BIVM: variants seen among roughly 807,000 people sequenced by gnomAD.
BIVM encodes basic immunoglobulin-like variable motif-containing protein.
Under a neutral mutation model 61.4 loss-of-function variants are expected in BIVM, and 31 were observed. The observed-to-expected ratio is 0.51, with a 90% CI of 0.38 to 0.68. BIVM has a LOEUF of 0.68. Among genes scored for constraint, BIVM ranks in the 30% least tolerant of loss-of-function variants. The pLI is 0.00. For missense variants in BIVM, 526 were observed against 596.0 expected (o/e 0.88, Z 1.22); for synonymous variants, 189 against 210.7 (o/e 0.90, Z 0.89).
intron 3 of BIVM, among the ~76,000 whole-genome samples, chr13:102,812,905 A>G (rs952562321): frequency 7.9e-5 from 12 of 152,180 alleles, no homozygotes; most frequent in African/African-American, 2.2e-4. Flanking sequence ...CAGATTTCCA[A>G]TTTTCATAGG....
intron 3 of BIVM, among the ~76,000 whole-genome samples, chr13:102,812,475 G>T (rs542661658): frequency 3.4e-4 from 51 of 152,122 alleles, no homozygotes; most frequent in African/African-American, 1.2e-3. Flanking sequence ...ATTTAATAAT[G>T]CAGTAACTCT....
intron 3 of BIVM, among the ~76,000 whole-genome samples, chr13:102,812,953 G>A (rs984128985): frequency 3.3e-5 from 5 of 152,188 alleles, no homozygotes; most frequent in African/African-American, 1.2e-4. Context: ...CCCACAAACT[G>A]CCTGAAGCTT....
chr13:102,821,543 A>T (rs549380888), intron 5 of BIVM, among the ~76,000 whole-genome samples, 200 bp from the exon 6 acceptor site: 5 of 152,194 alleles, frequency 3.3e-5, no homozygotes, highest in African/African-American at 7.2e-5. Flanking sequence ...TTAAGGCTGC[A>T]GTGAGCTATG....
At chr13:102,806,344 G>A (rs1879080501) in intron 2 of BIVM, among the ~76,000 whole-genome samples, 1 of 152,110 alleles carries the variant, frequency 6.6e-6, no homozygotes, top group Non-Finnish European at 1.5e-5. Context: ...CTACCTCCCA[G>A]GTTCAAGTGA....
At chr13:102,804,459 C>T (rs182663204) in intron 1 of BIVM, among the ~76,000 whole-genome samples, 7 of 152,142 alleles carry the variant, frequency 4.6e-5, no homozygotes, top group South Asian at 2.1e-4. Context: ...TACAGGTGCG[C>T]GCCATCATGC....
Position 102,807,060 on chromosome 13 carries a change from A to T in BIVM, c.-122-86A>T. ...TGTAAAATTAATATAGAATGAAGGC[A>T]TATGTATGCATAAAACTTGCTATGC... is the stretch of plus-strand genomic sequence containing the variant. On this transcript the variant is annotated intron_variant, in intron 2 of 10. Transcript: ENST00000257336. The surrounding 1 kb of genome is among the most constrained non-coding windows in gnomAD (Gnocchi z 4.0). 2.0e-6 allele frequency: 1 copy of T among 507,050 alleles called. No homozygotes were observed. The highest frequency in any genetic ancestry group is 3.5e-6 in the Non-Finnish European group (1 of 289,838). 31.4% of individuals were successfully genotyped at this position (507,050 alleles called of 1,614,324 possible).
At chr13:102,825,150 T>C (rs1367342627) in intron 7 of BIVM, among the ~76,000 whole-genome samples, 1 of 152,174 alleles carries the variant, frequency 6.6e-6, no homozygotes, top group African/African-American at 2.4e-5. Context: ...TTTCACCATG[T>C]TAGCCAGGAT....
At chr13:102,803,158 T>TA (rs35545376) in intron 1 of BIVM, among the ~76,000 whole-genome samples, 11,785 of 126,302 alleles carry the variant, frequency 0.093, 625 homozygotes, top group Non-Finnish European at 0.13. Flanking sequence ...CCCTGTTTCT[T>TA]AAAAAAAAAA....
At position 102,799,214 on chromosome 13, in the gene BIVM, C is replaced by G. The variant is rs1878579911; in HGVS notation, c.-514C>G. 5.7e-6 allele frequency: 2 copies of G among 349,456 alleles called. No homozygotes were observed. The highest frequency in any genetic ancestry group is 1.0e-5 in the Non-Finnish European group (2 of 195,638). The allele number at this position is 349,456 out of a possible 1,614,324, so 21.6% of individuals were successfully genotyped here. A position where few individuals can be genotyped will look rare whatever the true frequency, so the allele number is the denominator to read the frequency against. ...TCACCGCTTTCGGGGGACAGATAAA[C>G]ACCACAGATGCCCATCAAAGGGGCG... On this transcript the variant is annotated 5_prime_UTR_variant, in exon 1 of 11. Coordinates refer to ENST00000257336, the MANE Select transcript of BIVM (RefSeq NM_017693.4).
At chr13:102,825,422 T>C (rs1411744113) in intron 7 of BIVM, among the ~76,000 whole-genome samples, 1 of 152,160 alleles carries the variant, frequency 6.6e-6, no homozygotes, top group African/African-American at 2.4e-5. Flanking sequence ...TTTTTAACAA[T>C]GTAAAAACCA....
intron 3 of BIVM, among the ~76,000 whole-genome samples, chr13:102,809,696 C>A (rs7321030): frequency 6.6e-6 from 1 of 152,016 alleles, no homozygotes; most frequent in Non-Finnish European, 1.5e-5. Flanking sequence ...ACCATTTTTA[C>A]GTGTACAGTT....
At position 102,812,260 on chromosome 13, in the gene BIVM, GTTC is replaced by G. The variant is rs561787670; in HGVS notation, c.479-4164_479-4162del. Among the ~76,000 whole-genome samples the G allele has an allele frequency of 5.3e-5, 8 of 152,224 alleles. No individual in the cohort carries two copies. In the East Asian group the frequency reaches 1.5e-3, roughly 29 times the overall value. The stretch of plus-strand genomic sequence containing the variant: ...TCTATCTCTTCATTGATATTTCCAT[GTTC>G]TTCATACATACATCTTTCGTTAGTT... On this transcript the variant is annotated intron_variant, in intron 3 of 10. Transcript: ENST00000257336.
intron 4 of BIVM, chr13:102,816,947 TTA>T (rs1206275791): frequency 1.3e-5 from 2 of 152,520 alleles, no homozygotes; most frequent in African/African-American, 2.4e-5. Flanking sequence ...TTTTTTCTAC[TTA>T]ACCACAATAC....
At chr13:102,801,064 T>A (rs1878727691) in intron 1 of BIVM, among the ~76,000 whole-genome samples, 2 of 152,220 alleles carry the variant, frequency 1.3e-5, no homozygotes, top group African/African-American at 2.4e-5. Context: ...GGACGTTTAT[T>A]TTACAGAACA....
intron 7 of BIVM, among the ~76,000 whole-genome samples, chr13:102,828,599 A>G (rs1880839383): frequency 6.6e-6 from 1 of 152,218 alleles, no homozygotes; most frequent in Admixed American, 6.5e-5. Context: ...AAATCTCTTG[A>G]ACATGCAGTG....
chr13:102,822,134 G>A lies in BIVM; in HGVS notation c.876G>A (p.Gly292=), dbSNP rs142371210. Residue 292 remains glycine (G), a synonymous_variant, in exon 7 of 11, where the codon GGG becomes GGA. Transcript: ENST00000257336. ...GCSYVLYKPH[G]KNKTAGETAS... is the part of the protein sequence containing the mutation. ...CTTATGTTCTATATAAGCCTCATGG[G>A]AAGAATAAAACAGCAGGAGAAACTG... 1.9e-5 allele frequency: 31 copies of A among 1,613,726 alleles called. No homozygotes were observed. The highest frequency in any genetic ancestry group is 2.6e-5 in the Non-Finnish European group (31 of 1,179,928).
chr13:102,805,853 C>A (rs1182034517), intron 2 of BIVM, among the ~76,000 whole-genome samples: 1 of 152,116 alleles, frequency 6.6e-6, no homozygotes, highest in African/African-American at 2.4e-5. Context: ...CTTTTTATTG[C>A]CAAATAATAT....
Position 102,834,544 on chromosome 13 carries a change from C to T in BIVM, c.1113C>T (p.His371=). 1 of 1,584,584 alleles carries T rather than the reference C, an allele frequency of 6.3e-7. No homozygotes were observed. The highest frequency in any genetic ancestry group is 8.5e-7 in the Non-Finnish European group (1 of 1,171,110). The stretch of plus-strand genomic sequence containing the variant: ...CAAGTAGAAAACATCCTGCCATTCA[C>T]TGTAAAAAGTATGTTAACTTCCCTT... ...GESSRKHPAI[H]CKKWADIVTD... is the part of the protein sequence containing the mutation. The change falls in exon 9 of 11, where the codon CAC becomes CAT. Residue 371 remains histidine, a synonymous_variant. Coordinates refer to ENST00000257336, the MANE Select transcript of BIVM (RefSeq NM_017693.4).
intron 8 of BIVM, among the ~76,000 whole-genome samples, chr13:102,832,114 T>C (rs1219647391): frequency 6.6e-6 from 1 of 152,234 alleles, no homozygotes; most frequent in Admixed American, 6.5e-5. Context: ...CAGAATTGCA[T>C]TTAGTTAATT....
Sources: allele counts gnomAD v4.1 joint callset (sites outside exome capture counted in the v4.1 genomes callset), GRCh38; gene constraint gnomAD v4.1.1; non-coding constraint Gnocchi (gnomAD v3.1); transcripts MANE v1.5; gene names NCBI Gene and HGNC (gene_info 2026-07-23, HGNC 2026-07-21).